Variants in IL6R observed in about 807,000 individuals in gnomAD.
The protein encoded by IL6R is interleukin-6 receptor subunit alpha.
IL6R carries 38 observed loss-of-function variants against 48.3 expected under a neutral mutation model. That is an observed-to-expected ratio of 0.79 (90% CI 0.61 to 1.03). The LOEUF is 1.03. IL6R is among the 50% of genes least tolerant of loss of function. IL6R has a pLI of 0.00. For synonymous variants in IL6R, 264 were observed against 256.2 expected (o/e 1.03, Z -0.29); for missense variants, 534 against 618.3 (o/e 0.86, Z 1.45).
At position 154,405,633 on chromosome 1, in the gene IL6R, C is replaced by T; in HGVS notation, c.4C>T (p.Leu2=). 6.5e-7 allele frequency: 1 copy of T among 1,532,506 alleles called. No homozygotes were observed. The highest frequency in any genetic ancestry group is 1.2e-5 in the South Asian group (1 of 84,084). The allele number at this position is 1,532,506 out of a possible 1,614,324, so 94.9% of individuals were successfully genotyped here. A position where few individuals can be genotyped will look rare whatever the true frequency, so the allele number is the denominator to read the frequency against. M[L]AVGCALLAAL... ...GAGTGGTAGCCGAGGAGGAAGCATG[C>T]TGGCCGTCGGCTGCGCGCTGCTGGC... is the stretch of plus-strand genomic sequence containing the variant. The change falls in exon 1 of 10, where the codon CTG becomes TTG. Residue 2 remains leucine, a synonymous_variant. Coordinates refer to ENST00000368485, the MANE Select transcript of IL6R (RefSeq NM_000565.4). This position sits in a 1 kb window ranked among gnomAD's most constrained non-coding sequence, Gnocchi z 5.2.
intron 6 of IL6R, among the ~76,000 whole-genome samples, chr1:154,437,859 G>A (rs1005557183): frequency 3.3e-5 from 5 of 149,738 alleles, no homozygotes; most frequent in African/African-American, 1.2e-4. Context: ...GACTACAGGT[G>A]CACACCACCA....
At chr1:154,450,104 CTG>C (rs71586016) in intron 8 of IL6R, 124 bp downstream of exon 8, 30,023 of 474,802 alleles carry the variant, frequency 0.063, 202 homozygotes, top group African/African-American at 0.11. Flanking sequence ...CAGAAATGTT[CTG>C]TGTGTGTGTG....
At position 154,445,533 on chromosome 1, in the gene IL6R, C is replaced by G. The variant is rs192292390; in HGVS notation, c.950-2592C>G. Among the ~76,000 whole-genome samples, 110 of 152,172 alleles carry G rather than the reference C, an allele frequency of 7.2e-4. 1 individual carries two copies. In the East Asian group the frequency reaches 0.02, roughly 28 times the overall value. On this transcript the variant is annotated intron_variant, in intron 6 of 9. Coordinates refer to ENST00000368485, the MANE Select transcript of IL6R (RefSeq NM_000565.4). ...TGGGAGGCTGAGGCGGGCGGATCAC[C>G]AGGTCAGGAGATCAAGACCATCCTG...
At chr1:154,451,198 G>A (rs997438904) in intron 8 of IL6R, among the ~76,000 whole-genome samples, 67 of 152,166 alleles carry the variant, frequency 4.4e-4, no homozygotes, top group African/African-American at 1.6e-3. Context: ...AATGGTATGG[G>A]TGGGATGCAA....
In IL6R at chr1:154,434,551, C is replaced by A. The variant is rs779664192; in HGVS notation, c.491C>A (p.Pro164Gln). 2 of 1,613,950 alleles carry A rather than the reference C, an allele frequency of 1.2e-6. No homozygotes were observed. The highest frequency in any genetic ancestry group is 8.5e-7 in the Non-Finnish European group (1 of 1,179,986). ...QNSPAEDFQE[P>Q]CQYSQESQKF... Reference sequence around the variant, plus strand: ...AGTCCGGCCGAAGACTTCCAGGAGCCGTGCCAGTATTCCCAGGAGTCCCAG... The same window carrying A: ...AGTCCGGCCGAAGACTTCCAGGAGCAGTGCCAGTATTCCCAGGAGTCCCAG... Residue 164 changes from proline (P) to glutamine (Q), a missense_variant, in exon 4 of 10, where the codon CCG becomes CAG. Pro to Gln is a moderately conservative substitution (Grantham distance 76). Transcript: ENST00000368485.
intron 9 of IL6R, among the ~76,000 whole-genome samples, chr1:154,464,071 C>T (rs899299772): frequency 6.6e-6 from 1 of 152,070 alleles, no homozygotes; most frequent in African/African-American, 2.4e-5. Context: ...AAATTATCTG[C>T]CTCCTGCCAG....
In IL6R at chr1:154,468,863, C is replaced by G. The variant is rs1279546658; in HGVS notation, c.*3483C>G. On this transcript the variant is annotated 3_prime_UTR_variant, in exon 10 of 10. Coordinates refer to ENST00000368485, the MANE Select transcript of IL6R (RefSeq NM_000565.4). ...ACCCAGGTGGGGAGGATGCTGACAC[C>G]AGCTCCAGGTGGAGTTGGTGGTCTT... 6.6e-6 allele frequency: 1 copy of G among 152,348 alleles called. No individual in the cohort carries two copies. Among genetic ancestry groups the G allele is most frequent in the African/African-American group, 2.4e-5 (1 of 41,460 alleles). 9.4% of individuals were successfully genotyped at this position (152,348 alleles called of 1,614,324 possible). A position where few individuals can be genotyped will look rare whatever the true frequency, so the allele number is the denominator to read the frequency against.
At chr1:154,415,517 GAATGC>G (rs1688291061) in intron 1 of IL6R, among the ~76,000 whole-genome samples, 1 of 152,208 alleles carries the variant, frequency 6.6e-6, no homozygotes, top group Admixed American at 6.5e-5. Context: ...GTCTGGACTT[GAATGC>G]AGGTCACCCC....
At chr1:154,447,476 TACACACACACACACACACACACACAC>T (rs1230551409) in intron 6 of IL6R, among the ~76,000 whole-genome samples, 5 of 68,828 alleles carry the variant, frequency 7.3e-5, no homozygotes, top group African/African-American at 2.8e-4. Flanking sequence ...TATATATATA[TACACACACACACACACACACACACAC>T]ATATATATAT....
intron 6 of IL6R, among the ~76,000 whole-genome samples, chr1:154,441,065 C>T (rs1053559968): frequency 2.6e-5 from 4 of 152,246 alleles, no homozygotes; most frequent in African/African-American, 7.2e-5. Flanking sequence ...GGCCCTTGCT[C>T]TGTTCTCAGG....
At chr1:154,414,224 C>T (rs1558298842) in intron 1 of IL6R, 2 of 456,218 alleles carry the variant, frequency 4.4e-6, no homozygotes, top group Non-Finnish European at 7.8e-6. Flanking sequence ...TTGTGTCATA[C>T]TTAATAACAT....
At chr1:154,448,564 A>G (rs1027917059) in intron 7 of IL6R, among the ~76,000 whole-genome samples, 1 of 152,234 alleles carries the variant, frequency 6.6e-6, no homozygotes. Context: ...TTCCTTGAGT[A>G]ATCCAATTTC....
At chr1:154,450,271 G>A (rs1425621018) in intron 8 of IL6R, among the ~76,000 whole-genome samples, 3 of 151,964 alleles carry the variant, frequency 2.0e-5, no homozygotes, top group Non-Finnish European at 1.5e-5. Flanking sequence ...GATTACAGGC[G>A]CATGCCACCA....
rs368900229 is a variant in IL6R, at chr1:154,434,531, G to A, written c.471G>A (p.Pro157=). Residue 157 remains proline (P), a synonymous_variant, in exon 4 of 10, where the codon CCG becomes CCA. Transcript: ENST00000368485. Reference sequence around the variant, plus strand: ...TTGTGTCTAACAGTCAGAACAGTCCGGCCGAAGACTTCCAGGAGCCGTGCC... The same window carrying A: ...TTGTGTCTAACAGTCAGAACAGTCCAGCCGAAGACTTCCAGGAGCCGTGCC... ...VLLVRKFQNS[P]AEDFQEPCQY... is the part of the protein sequence containing the mutation. The A allele has an allele frequency of 6.7e-5, 108 of 1,613,476 alleles. No individual in the cohort carries two copies. The highest frequency in any genetic ancestry group is 1.1e-4 in the African/African-American group (8 of 74,980).
rs1690747099 is a variant in IL6R at position 154,454,234 on chromosome 1, T to C, written c.1067-254T>C. On this transcript the variant is annotated intron_variant, in intron 8 of 9. Coordinates refer to ENST00000368485, the MANE Select transcript of IL6R (RefSeq NM_000565.4). ...AACCCTGAGCTTGAGGTGTCTCTCTTGCCAAGTGGTGGAATCCTGGAATCT... is the reference window on the plus strand; with the variant it reads ...AACCCTGAGCTTGAGGTGTCTCTCTCGCCAAGTGGTGGAATCCTGGAATCT... 5.8e-6 allele frequency: 3 copies of C among 521,128 alleles called. No individual in the cohort carries two copies. In the East Asian group the frequency reaches 1.0e-4, roughly 17 times the overall value. The allele number at this position is 521,128 out of a possible 1,614,324, so 32.3% of individuals were successfully genotyped here.
intron 6 of IL6R, among the ~76,000 whole-genome samples, chr1:154,447,481 A>C: frequency 8.5e-6 from 1 of 117,926 alleles, no homozygotes; most frequent in Non-Finnish European, 1.6e-5. Flanking sequence ...ATATATACAC[A>C]CACACACACA....
intron 6 of IL6R, chr1:154,445,151 C>T (rs977372119): frequency 3.9e-5 from 18 of 455,810 alleles, no homozygotes; most frequent in African/African-American, 8.0e-5. Flanking sequence ...TGTTTCTACA[C>T]GAATAGAGGA....
At chr1:154,423,435 TGA>T (rs1688801564) in intron 1 of IL6R, among the ~76,000 whole-genome samples, 1 of 151,692 alleles carries the variant, frequency 6.6e-6, no homozygotes, top group African/African-American at 2.4e-5. Context: ...TTACTTGTTC[TGA>T]GAGTCACCCA....
intron 1 of IL6R, among the ~76,000 whole-genome samples, chr1:154,416,323 T>G (rs946189832): frequency 2.6e-5 from 4 of 151,670 alleles, no homozygotes; most frequent in African/African-American, 7.3e-5. Context: ...TTTTTTTTTT[T>G]TTGTAGAGAT....
Sources: gnomAD v4.1 joint callset for allele counts (sites outside exome capture counted in the v4.1 genomes callset) on GRCh38, gnomAD v4.1.1 for gene constraint, Gnocchi (gnomAD v3.1) non-coding constraint, MANE v1.5 for transcripts, NCBI Gene and HGNC (gene_info 2026-07-23, HGNC 2026-07-21) for gene names.